NR3C1: variants seen among roughly 807,000 people sequenced by gnomAD.
The protein encoded by NR3C1 is glucocorticoid receptor.
In NR3C1, 14 loss-of-function variants were observed where a neutral mutation model predicts 74.0. The observed-to-expected ratio is 0.19, with a 90% confidence interval of 0.12 to 0.30. The LOEUF is 0.30. Among genes scored for constraint, NR3C1 ranks in the 10% least tolerant of loss-of-function variants. The probability of loss-of-function intolerance (pLI) is 1.00; values close to 1 mark genes in which losing one functional copy is unlikely to be tolerated. For synonymous variants in NR3C1, 308 were observed against 332.5 expected, an observed-to-expected ratio of 0.93 and a Z score of 0.80; for missense variants, 695 against 909.8, an observed-to-expected ratio of 0.76 and a Z score of 3.04.
chr5:143,433,900 G>A (rs892567958), intron 1 of NR3C1: 3 of 152,554 alleles, frequency 2.0e-5, no homozygotes, highest in East Asian at 1.9e-4. Flanking sequence ...TCAAAGCCCA[G>A]TCTGCACCTG....
intron 2 of NR3C1, among the ~76,000 whole-genome samples, chr5:143,367,139 A>G (rs1278355336): frequency 2.6e-5 from 4 of 152,238 alleles, no homozygotes; most frequent in Non-Finnish European, 5.9e-5. Flanking sequence ...GATAAACCAT[A>G]AAAGACCAGA....
At chr5:143,394,242 A>G (rs1838799388) in intron 2 of NR3C1, among the ~76,000 whole-genome samples, 1 of 152,098 alleles carries the variant, frequency 6.6e-6, no homozygotes, top group Non-Finnish European at 1.5e-5. Flanking sequence ...GATGTAATTA[A>G]TATTTAAATT....
chr5:143,388,697 C>T (rs963412660), intron 2 of NR3C1, among the ~76,000 whole-genome samples: 7 of 152,174 alleles, frequency 4.6e-5, no homozygotes, highest in African/African-American at 1.4e-4. Context: ...GGGGAAAGAA[C>T]ATTTCAGGTA....
chr5:143,364,167 G>C (rs1832780198), intron 2 of NR3C1, among the ~76,000 whole-genome samples: 1 of 152,190 alleles, frequency 6.6e-6, no homozygotes, highest in Non-Finnish European at 1.5e-5. Flanking sequence ...TTACAAACAA[G>C]TGATCCTCAA....
intron 4 of NR3C1, among the ~76,000 whole-genome samples, chr5:143,309,147 C>T (rs61753492): frequency 5.6e-5 from 8 of 143,716 alleles, no homozygotes; most frequent in African/African-American, 1.8e-4. Context: ...GATCTCGGCT[C>T]ACTGCAACCT....
chr5:143,294,016 C>G, intron 7 of NR3C1: 2 of 985,350 alleles, frequency 2.0e-6, no homozygotes, highest in Non-Finnish European at 2.4e-6. Context: ...TTAAACGTCT[C>G]TAGCAATGAT....
Position 143,400,377 on chromosome 5 carries a change from CCTT to C in NR3C1, c.460_462del (p.Lys154del), listed in dbSNP as rs1177658745. On this transcript the variant is annotated inframe_deletion, in exon 2 of 9. Coordinates refer to ENST00000394464, the MANE Select transcript of NR3C1 (RefSeq NM_000176.3). ...ACATCAGAGTGAGTTTTTGGAAACT[CCTT>C]CTCTGTGGGGGCAGCAGACACAGCA... 6.2e-7 allele frequency: 1 copy of C among 1,614,156 alleles called. No homozygotes were observed. Among genetic ancestry groups the C allele is most frequent in the South Asian group, 1.1e-5 (1 of 91,068 alleles).
rs1001909144 is a variant in NR3C1, at chr5:143,278,888, A to C, written c.*3001T>G. On this transcript the variant is annotated 3_prime_UTR_variant, in exon 9 of 9. Coordinates refer to ENST00000394464, the MANE Select transcript of NR3C1 (RefSeq NM_000176.3). Reference sequence around the variant, plus strand: ...GCACTTCATAGACACAAATCATGTTAGTTTTCCTTTTGGGGTGGCCAAGGT... The same window carrying C: ...GCACTTCATAGACACAAATCATGTTCGTTTTCCTTTTGGGGTGGCCAAGGT... 1 of 156,266 alleles carries C rather than the reference A, an allele frequency of 6.4e-6. No homozygotes were observed. The highest frequency in any genetic ancestry group is 2.4e-5 in the African/African-American group (1 of 41,450). The allele number at this position is 156,266 out of a possible 1,614,324, so 9.7% of individuals were successfully genotyped here. A position where few individuals can be genotyped will look rare whatever the true frequency, so the allele number is the denominator to read the frequency against.
At chr5:143,343,943 CAATT>C (rs768363401) in intron 2 of NR3C1, among the ~76,000 whole-genome samples, 4 of 152,050 alleles carry the variant, frequency 2.6e-5, no homozygotes, top group African/African-American at 4.8e-5. Flanking sequence ...TTTTTGTCAT[CAATT>C]AATTTATAAA....
intron 2 of NR3C1, among the ~76,000 whole-genome samples, chr5:143,324,469 C>A (rs1279528453): frequency 6.6e-6 from 1 of 152,206 alleles, no homozygotes; most frequent in Admixed American, 6.5e-5. Context: ...CCCTAGCCTA[C>A]ACATAGCATG....
intron 2 of NR3C1, among the ~76,000 whole-genome samples, chr5:143,378,883 A>C (rs1182350415): frequency 6.6e-6 from 1 of 152,168 alleles, no homozygotes; most frequent in Non-Finnish European, 1.5e-5. Context: ...TATAGGAGTG[A>C]TAATTGCCAC....
chr5:143,332,189 TGA>T (rs1826096766), intron 2 of NR3C1, among the ~76,000 whole-genome samples: 1 of 152,164 alleles, frequency 6.6e-6, no homozygotes, highest in Non-Finnish European at 1.5e-5. Flanking sequence ...TACTGAAAGC[TGA>T]CAAGCATTCA....
At position 143,403,442 on chromosome 5, in the gene NR3C1, G is replaced by A. The variant is rs1205824421; in HGVS notation, c.-245C>T. 5 of 838,782 alleles carry A rather than the reference G, an allele frequency of 6.0e-6. No homozygotes were observed. The highest frequency in any genetic ancestry group is 5.2e-6 in the Non-Finnish European group (4 of 762,098). The allele number at this position is 838,782 out of a possible 1,614,324, so 52.0% of individuals were successfully genotyped here. A position where few individuals can be genotyped will look rare whatever the true frequency, so the allele number is the denominator to read the frequency against. On this transcript the variant is annotated 5_prime_UTR_variant, in exon 1 of 9. Coordinates refer to ENST00000394464, the MANE Select transcript of NR3C1 (RefSeq NM_000176.3). ...CCCTCCGCCCCGCGCCGGGCTCCGC[G>A]GGTCGAGGTTCCGGGCGCGCGTGCC...
In NR3C1 at chr5:143,300,715, C is replaced by A. The variant is rs1194481969; in HGVS notation, c.1517G>T (p.Gly506Val). ...ATTTTCAGAGGTTTCTTGTGAGACT[C>A]CTGTAGTGGCCTGCTGAATTCCTTT... Reference protein sequence around the residue: ...KIKGIQQATTGVSQETSENPG... With the variant: ...KIKGIQQATTVVSQETSENPG... Residue 506 changes from glycine (G) to valine (V), a missense_variant, in exon 5 of 9, where the codon GGA (glycine) becomes GTA (valine). Gly to Val is a moderately radical substitution (Grantham distance 109, BLOSUM62 -3). Transcript: ENST00000394464. The surrounding 1 kb of genome is among the most constrained non-coding windows in gnomAD (Gnocchi z 5.2). The A allele has an allele frequency of 1.9e-6, 3 of 1,613,894 alleles. No individual in the cohort carries two copies. In the African/African-American group the frequency reaches 4.0e-5, roughly 22 times the overall value.
chr5:143,367,312 C>T (rs1050336972), intron 2 of NR3C1, among the ~76,000 whole-genome samples: 1 of 152,182 alleles, frequency 6.6e-6, no homozygotes, highest in African/African-American at 2.4e-5. Flanking sequence ...CAACAACACA[C>T]TTAAACTGAA....
At chr5:143,348,266 C>T (rs996029856) in intron 2 of NR3C1, among the ~76,000 whole-genome samples, 1 of 152,176 alleles carries the variant, frequency 6.6e-6, no homozygotes, top group South Asian at 2.1e-4. Context: ...AACTACAACA[C>T]TCAGTGAATG....
Position 143,400,089 on chromosome 5 carries a change from G to A in NR3C1, c.751C>T (p.Pro251Ser), listed in dbSNP as rs776813910. ...TCCTTAATTTTGGGTTTAGTGTCCG[G>A]TAAAATGAGAGGCTTGCAGTCCTCA... ...SNEDCKPLILPDTKPKIKDNG... is the reference protein window; with the variant it reads ...SNEDCKPLILSDTKPKIKDNG... Residue 251 changes from proline (P) to serine (S), a missense_variant, in exon 2 of 9, where the codon CCG becomes TCG. Pro to Ser is a moderately conservative substitution (Grantham distance 74, BLOSUM62 -1). Coordinates refer to ENST00000394464, the MANE Select transcript of NR3C1 (RefSeq NM_000176.3). 1 of 1,614,172 alleles carries A rather than the reference G, an allele frequency of 6.2e-7. No individual in the cohort carries two copies. Among genetic ancestry groups the A allele is most frequent in the East Asian group, 2.2e-5 (1 of 44,888 alleles).
chr5:143,295,493 G>C lies in NR3C1; in HGVS notation c.1990C>G (p.Leu664Val). The C allele has an allele frequency of 6.2e-7, 1 of 1,613,096 alleles. No individual in the cohort carries two copies. The change falls in exon 7 of 9, where the codon CTC becomes GTC. Residue 664 changes from leucine (L) to valine (V), a missense_variant. Physicochemically the swap from Leu to Val is conservative, Grantham distance 32. Transcript: ENST00000394464. ...AGAAGCAGTAAGGTTTTCATACAGA[G>C]ATACTCTTCATAAGATACCTGAAGC... is the stretch of plus-strand genomic sequence containing the variant. Reference protein sequence around the residue: ...HRLQVSYEEYLCMKTLLLLSS... With the variant: ...HRLQVSYEEYVCMKTLLLLSS...
chr5:143,368,046 G>A (rs1357268698), intron 2 of NR3C1, among the ~76,000 whole-genome samples: 3 of 152,280 alleles, frequency 2.0e-5, no homozygotes, highest in South Asian at 2.1e-4. Flanking sequence ...CATAAGATTA[G>A]ACATACAGAC....
Sources: allele counts gnomAD v4.1 joint callset (sites outside exome capture counted in the v4.1 genomes callset), GRCh38; gene constraint gnomAD v4.1.1; non-coding constraint Gnocchi (gnomAD v3.1); transcripts MANE v1.5; gene names NCBI Gene and HGNC (gene_info 2026-07-23, HGNC 2026-07-21).